Variants in CHST9 observed in about 807,000 individuals in gnomAD.
CHST9 encodes GalNAc-4-sulfotransferase 2.
Under a neutral mutation model 44.4 loss-of-function variants are expected in CHST9, and 41 were observed. That is an observed-to-expected ratio of 0.92 (90% CI 0.72 to 1.20). CHST9 has a LOEUF of 1.20. Among genes scored for constraint, CHST9 ranks in the 50% most tolerant of loss-of-function variants. The pLI, the probability that CHST9 is intolerant of heterozygous loss-of-function variation, is 0.00. For synonymous variants in CHST9, 171 were observed against 178.4 expected, an observed-to-expected ratio of 0.96 and a Z score of 0.33; for missense variants, 504 against 516.5, an observed-to-expected ratio of 0.98 and a Z score of 0.23.
Position 27,150,817 on chromosome 18 carries a change from C to T in CHST9, c.-96-7912G>A, listed in dbSNP as rs77317218. Among the ~76,000 whole-genome samples the T allele has an allele frequency of 8.0e-3, 1,223 of 152,196 alleles. 16 individuals carry two copies. Among genetic ancestry groups the T allele is most frequent in the African/African-American group, 0.026 (1,098 of 41,534 alleles). On this transcript the variant is annotated intron_variant, in intron 1 of 5. Transcript: ENST00000618847. ...CAGCTTTACAAAATATTAAGTAAAA[C>T]AGAATGTGATGGTCTTTTAGAAAAC... is the stretch of plus-strand genomic sequence containing the variant.
intron 5 of CHST9, chr18:26,935,104 T>G (rs1260358794): frequency 6.6e-6 from 1 of 152,254 alleles, no homozygotes; most frequent in Non-Finnish European, 1.5e-5. Context: ...ATTTGTATCT[T>G]CAGTATTTCT....
chr18:27,184,113 GGGAGTCCTGTTAAGCATCCAC>G (rs961104504), intron 1 of CHST9, among the ~76,000 whole-genome samples: 3 of 152,186 alleles, frequency 2.0e-5, no homozygotes, highest in Non-Finnish European at 2.9e-5. Flanking sequence ...ACTGCGAAAA[GGGAGTCCTGTTAAGCATCCAC>G]GGCGTTTTGA....
chr18:26,931,793 A>C, intron 5 of CHST9, among the ~76,000 whole-genome samples: 1 of 152,342 alleles, frequency 6.6e-6, no homozygotes, highest in Middle Eastern at 3.4e-3. Context: ...GCTGCACAAA[A>C]TAATTGAATT....
At chr18:26,964,477 G>C (rs2056439566) in intron 4 of CHST9, among the ~76,000 whole-genome samples, 1 of 152,214 alleles carries the variant, frequency 6.6e-6, no homozygotes, top group African/African-American at 2.4e-5. Flanking sequence ...TTTACAATAA[G>C]TGAGAAAATC....
At chr18:26,985,920 G>C (rs2056749858) in intron 4 of CHST9, among the ~76,000 whole-genome samples, 1 of 152,180 alleles carries the variant, frequency 6.6e-6, no homozygotes, top group Non-Finnish European at 1.5e-5. Flanking sequence ...ACTGGTCACT[G>C]TTTTAGATCC....
intron 2 of CHST9, among the ~76,000 whole-genome samples, chr18:27,138,964 A>G (rs1373164260): frequency 6.6e-6 from 1 of 152,210 alleles, no homozygotes; most frequent in Non-Finnish European, 1.5e-5. Flanking sequence ...AAATTAATGG[A>G]TAGTGATATT....
chr18:26,978,559 G>A (rs975673343), intron 4 of CHST9, among the ~76,000 whole-genome samples: 4 of 152,050 alleles, frequency 2.6e-5, no homozygotes, highest in African/African-American at 7.2e-5. Context: ...TTTTGTTAGC[G>A]AAGACAGAAG....
chr18:27,176,747 G>A (rs1213433469), intron 1 of CHST9, among the ~76,000 whole-genome samples: 1 of 152,012 alleles, frequency 6.6e-6, no homozygotes, highest in African/African-American at 2.4e-5. Flanking sequence ...CTTGGTATAT[G>A]TATGTTGAGA....
At position 26,910,462 on chromosome 18, in the gene CHST9, G is replaced by T. The variant is rs1259172216; in HGVS notation, c.*5797C>A. 6.6e-6 allele frequency: 1 copy of T among 152,252 alleles called. No individual in the cohort carries two copies. The highest frequency in any genetic ancestry group is 1.5e-5 in the Non-Finnish European group (1 of 68,092). 9.4% of individuals were successfully genotyped at this position (152,252 alleles called of 1,614,324 possible). A position where few individuals can be genotyped will look rare whatever the true frequency, so the allele number is the denominator to read the frequency against. ...AGATGCTTAGGGGCCAGGCAAGTAA[G>T]GTGAATGAGTGATGGTGGATTAGTG... On this transcript the variant is annotated 3_prime_UTR_variant, in exon 6 of 6. Coordinates refer to ENST00000618847, the MANE Select transcript of CHST9 (RefSeq NM_031422.6).
At chr18:27,087,530 G>T (rs1486834350) in intron 2 of CHST9, among the ~76,000 whole-genome samples, 1 of 152,056 alleles carries the variant, frequency 6.6e-6, no homozygotes, top group African/African-American at 2.4e-5. Context: ...TAAGGAAAGT[G>T]TACCAGGCAT....
chr18:27,015,323 T>TTGTGTG (rs10690815), intron 4 of CHST9, among the ~76,000 whole-genome samples: 7,288 of 146,380 alleles, frequency 0.05, 230 homozygotes, highest in African/African-American at 0.063. Flanking sequence ...AGAGAGGCAG[T>TTGTGTG]TGTGTGTGTG....
At chr18:26,949,908 G>GGC (rs2056221053) in intron 4 of CHST9, among the ~76,000 whole-genome samples, 1 of 152,196 alleles carries the variant, frequency 6.6e-6, no homozygotes, top group African/African-American at 2.4e-5. Flanking sequence ...GCCAAGTACT[G>GGC]TGGGCAACCT....
In CHST9 at chr18:27,072,998, A is replaced by G. The variant is rs562391242; in HGVS notation, c.122-24495T>C. On this transcript the variant is annotated intron_variant, in intron 2 of 5. Transcript: ENST00000618847. The stretch of plus-strand genomic sequence containing the variant: ...AGAATCTGGACTTCAGCAAGACTTC[A>G]GTAGTTTGTTTGCCCGCTGAAATTT... Among the ~76,000 whole-genome samples, 4 of 152,310 alleles carry G rather than the reference A, an allele frequency of 2.6e-5. No homozygotes were observed. The South Asian group carries it at 8.3e-4, about 32-fold the overall frequency.
chr18:26,944,372 A>G lies in CHST9; in HGVS notation c.203-6T>C. ...CTGGATTTTTTCTGTACTCACTGAA[A>G]GAGAAAGCAAAAAGAATTTTTACAT... On this transcript the variant is annotated splice_polypyrimidine_tract_variant and splice_region_variant and intron_variant, in intron 4 of 5. Coordinates refer to ENST00000618847, the MANE Select transcript of CHST9 (RefSeq NM_031422.6). 2 of 1,602,224 alleles carry G rather than the reference A, an allele frequency of 1.2e-6. No homozygotes were observed. Among genetic ancestry groups the G allele is most frequent in the Non-Finnish European group, 8.5e-7 (1 of 1,170,102 alleles).
At chr18:27,036,124 C>T (rs1315278174) in intron 3 of CHST9, among the ~76,000 whole-genome samples, 1 of 151,974 alleles carries the variant, frequency 6.6e-6, no homozygotes, top group African/African-American at 2.4e-5. Context: ...TGTAACAGTA[C>T]GTATGATATT....
chr18:27,041,705 A>G (rs890150108), intron 3 of CHST9, among the ~76,000 whole-genome samples: 2 of 152,092 alleles, frequency 1.3e-5, no homozygotes, highest in Non-Finnish European at 1.5e-5. Context: ...GCATACACAC[A>G]CTCCTTTAAA....
intron 4 of CHST9, among the ~76,000 whole-genome samples, chr18:26,994,959 T>TGTG (rs1365729468): frequency 6.6e-6 from 1 of 152,058 alleles, no homozygotes; most frequent in Non-Finnish European, 1.5e-5. Context: ...AATATTAGGT[T>TGTG]GTGAAAAGAC....
intron 1 of CHST9, among the ~76,000 whole-genome samples, chr18:27,167,955 A>C (rs2058803755): frequency 6.6e-6 from 1 of 152,222 alleles, no homozygotes; most frequent in South Asian, 2.1e-4. Context: ...AATGAAAGCA[A>C]AGTGGTCTAG....
At position 27,169,312 on chromosome 18, in the gene CHST9, G is replaced by C. The variant is rs374558354; in HGVS notation, c.-97+15824C>G. Among the ~76,000 whole-genome samples, 12 of 152,234 alleles carry C rather than the reference G, an allele frequency of 7.9e-5. No homozygotes were observed. The East Asian group carries it at 1.4e-3, about 17-fold the overall frequency. ...ATTTAGAAGTCATAAGCATATAGAT[G>C]ATCACTACACTTTGATTACAAAATT... is the stretch of plus-strand genomic sequence containing the variant. On this transcript the variant is annotated intron_variant, in intron 1 of 5. Coordinates refer to ENST00000618847, the MANE Select transcript of CHST9 (RefSeq NM_031422.6).
Sources: gnomAD v4.1 joint callset for allele counts (sites outside exome capture counted in the v4.1 genomes callset) on GRCh38, gnomAD v4.1.1 for gene constraint, MANE v1.5 for transcripts, NCBI Gene and HGNC (gene_info 2026-07-23, HGNC 2026-07-21) for gene names.